SLC25A48: variants seen among roughly 807,000 people sequenced by gnomAD.
SLC25A48 encodes the protein solute carrier family 25 member 48, also known as CTC-321K16.1.
A neutral mutation model predicts 32.2 loss-of-function variants in SLC25A48; 29 were observed. The observed-to-expected ratio is 0.90, with a 90% confidence interval of 0.67 to 1.23. The LOEUF (loss-of-function observed/expected upper bound fraction) is 1.23, where lower values mean the gene tolerates loss of function less well. Among genes scored for constraint, SLC25A48 ranks in the 50% most tolerant of loss-of-function variants. The probability of loss-of-function intolerance (pLI) is 0.00; values close to 1 mark genes in which losing one functional copy is unlikely to be tolerated. For missense variants in SLC25A48, 399 were observed against 422.7 expected, an observed-to-expected ratio of 0.94 and a Z score of 0.49; for synonymous variants, 164 against 172.3, an observed-to-expected ratio of 0.95 and a Z score of 0.38.
intron 4 of SLC25A48, among the ~76,000 whole-genome samples, chr5:135,813,752 C>T (rs1757645561): frequency 6.6e-6 from 1 of 152,130 alleles, no homozygotes; most frequent in African/African-American, 2.4e-5. Context: ...AGGCAGAAAT[C>T]CTGGGCGGGA....
chr5:135,813,290 G>A (rs908975809), intron 4 of SLC25A48, among the ~76,000 whole-genome samples: 1 of 152,174 alleles, frequency 6.6e-6, no homozygotes, highest in African/African-American at 2.4e-5. Context: ...AAAGAAGCCT[G>A]GTAGCAGCGT....
intron 2 of SLC25A48, among the ~76,000 whole-genome samples, chr5:135,630,070 C>T (rs149575852): frequency 5.8e-4 from 89 of 152,256 alleles, no homozygotes; most frequent in Non-Finnish European, 8.8e-4. Context: ...TGTTCTTACC[C>T]GCAGCTTAGG....
chr5:135,592,935 C>T (rs1451092908), intron 1 of SLC25A48, among the ~76,000 whole-genome samples: 3 of 152,104 alleles, frequency 2.0e-5, no homozygotes, highest in African/African-American at 4.8e-5. Flanking sequence ...GAGACAGAGA[C>T]GCTTGGTATA....
chr5:135,707,411 T>A (rs1179627141), intron 3 of SLC25A48, among the ~76,000 whole-genome samples: 2 of 152,204 alleles, frequency 1.3e-5, no homozygotes, highest in African/African-American at 4.8e-5. Context: ...GCAAGCGCCT[T>A]TGTGATCTGC....
At chr5:135,868,055 A>G (rs1458893360) in intron 4 of SLC25A48, among the ~76,000 whole-genome samples, 1 of 152,240 alleles carries the variant, frequency 6.6e-6, no homozygotes, top group Non-Finnish European at 1.5e-5. Flanking sequence ...TCCATTGTAG[A>G]GTGTGATGAC....
At chr5:135,882,911 T>C (rs1006811024) in intron 7 of SLC25A48, among the ~76,000 whole-genome samples, 1 of 152,246 alleles carries the variant, frequency 6.6e-6, no homozygotes, top group Non-Finnish European at 1.5e-5. Context: ...CATTTTCAAA[T>C]AGCCCCGGCA....
At chr5:135,584,918 T>G (rs185270902) in intron 1 of SLC25A48, among the ~76,000 whole-genome samples, 1 of 152,336 alleles carries the variant, frequency 6.6e-6, no homozygotes, top group East Asian at 1.9e-4. Context: ...TGGGCATTGT[T>G]GTTGTAAAGC....
chr5:135,598,225 A>G (rs938309888), intron 1 of SLC25A48, among the ~76,000 whole-genome samples: 25 of 152,186 alleles, frequency 1.6e-4, no homozygotes, highest in African/African-American at 5.8e-4. Flanking sequence ...AGGAGGACTC[A>G]CAAATTTGAT....
intron 4 of SLC25A48, among the ~76,000 whole-genome samples, chr5:135,855,940 C>T (rs1760280576): frequency 6.6e-6 from 1 of 152,232 alleles, no homozygotes; most frequent in South Asian, 2.1e-4. Flanking sequence ...TTCTGCACCA[C>T]AAACCCTCAT....
chr5:135,813,923 G>C (rs555198572), intron 4 of SLC25A48, among the ~76,000 whole-genome samples: 1 of 152,292 alleles, frequency 6.6e-6, no homozygotes, highest in South Asian at 2.1e-4. Context: ...TGAGTGGTTG[G>C]AGACAAGGTC....
chr5:135,772,900 A>G (rs971610475), intron 3 of SLC25A48, among the ~76,000 whole-genome samples: 33 of 151,584 alleles, frequency 2.2e-4, no homozygotes, highest in Admixed American at 1.9e-3. Flanking sequence ...CCCTTGTGAT[A>G]TTGTTTGTAA....
chr5:135,606,883 A>G (rs542746336), intron 1 of SLC25A48, among the ~76,000 whole-genome samples: 1 of 152,308 alleles, frequency 6.6e-6, no homozygotes, highest in Admixed American at 6.5e-5. Flanking sequence ...GGAGCAATAA[A>G]ATGGCTAAAA....
intron 2 of SLC25A48, 30 bp downstream of exon 2, chr5:135,842,489 T>C: frequency 6.2e-7 from 1 of 1,606,284 alleles, no homozygotes; most frequent in Non-Finnish European, 8.5e-7. Context: ...CATTACCTCT[T>C]AAAAAGAGGC....
At chr5:135,614,983 T>C (rs1007931064) in intron 1 of SLC25A48, among the ~76,000 whole-genome samples, 4 of 152,226 alleles carry the variant, frequency 2.6e-5, no homozygotes, top group Non-Finnish European at 4.4e-5. Context: ...CTCTTCACCC[T>C]CTGCCATGAT....
At chr5:135,582,152 A>T (rs941801209) in intron 1 of SLC25A48, among the ~76,000 whole-genome samples, 9 of 152,170 alleles carry the variant, frequency 5.9e-5, no homozygotes, top group African/African-American at 2.2e-4. Context: ...AGGAAGTGGA[A>T]ACAGGACATC....
intron 1 of SLC25A48, among the ~76,000 whole-genome samples, chr5:135,593,157 C>G (rs1561749271): frequency 6.6e-6 from 1 of 152,174 alleles, no homozygotes; most frequent in Non-Finnish European, 1.5e-5. Context: ...TTGTTCCCCC[C>G]ACACCCCTCC....
chr5:135,581,258 C>A (rs1290085761), intron 1 of SLC25A48, among the ~76,000 whole-genome samples: 6 of 152,174 alleles, frequency 3.9e-5, no homozygotes, highest in Admixed American at 3.3e-4. Context: ...TTTGACTACT[C>A]CTTGCTGGAC....
chr5:135,664,897 G>A (rs1306709631), intron 3 of SLC25A48, among the ~76,000 whole-genome samples: 1 of 152,204 alleles, frequency 6.6e-6, no homozygotes, highest in African/African-American at 2.4e-5. Flanking sequence ...ACATGCAAGT[G>A]TCTTTTTGAT....
At chr5:135,746,981 TTAAG>T (rs1257852650) in intron 3 of SLC25A48, among the ~76,000 whole-genome samples, 1 of 123,778 alleles carries the variant, frequency 8.1e-6, no homozygotes, top group Non-Finnish European at 1.7e-5. Flanking sequence ...TAGATTCAGG[TTAAG>T]TATTTTTTGT....
Sources: allele counts gnomAD v4.1 joint callset (sites outside exome capture counted in the v4.1 genomes callset), GRCh38; gene constraint gnomAD v4.1.1; transcripts MANE v1.5; gene names NCBI Gene and HGNC (gene_info 2026-07-23, HGNC 2026-07-21).